Variants in R3HDM1 observed in about 807,000 individuals in gnomAD.
The protein encoded by R3HDM1 is R3H domain-containing protein 1.
Under a neutral mutation model 141.1 loss-of-function variants are expected in R3HDM1, and 46 were observed. The ratio of observed to expected loss-of-function variants is 0.33; its 90% CI spans 0.26 to 0.42. R3HDM1 has a LOEUF of 0.42. Ranked by LOEUF, R3HDM1 falls within the 10% of genes least tolerant of loss-of-function variation. The probability of loss-of-function intolerance (pLI) is 1.00; values close to 1 mark genes in which losing one functional copy is unlikely to be tolerated. For synonymous variants in R3HDM1, 435 were observed against 472.9 expected (o/e 0.92, Z 1.04); for missense variants, 1,184 against 1,368.3 (o/e 0.87, Z 2.12).
chr2:135,637,701 T>A (rs1460638845), intron 11 of R3HDM1, among the ~76,000 whole-genome samples: 3 of 152,040 alleles, frequency 2.0e-5, no homozygotes, highest in African/African-American at 7.2e-5. Context: ...TGAGGAAAGT[T>A]TAGGTTGGAA....
intron 21 of R3HDM1, among the ~76,000 whole-genome samples, chr2:135,703,420 A>G (rs1272086981): frequency 2.6e-5 from 4 of 152,182 alleles, no homozygotes; most frequent in Non-Finnish European, 1.5e-5. Flanking sequence ...GAATACAATT[A>G]TGATATTCTG....
chr2:135,673,006 C>T (rs1309781543), intron 19 of R3HDM1, among the ~76,000 whole-genome samples: 3 of 152,148 alleles, frequency 2.0e-5, no homozygotes, highest in African/African-American at 2.4e-5. Flanking sequence ...ACTGGGGAGG[C>T]TGAGGCAAGA....
intron 21 of R3HDM1, among the ~76,000 whole-genome samples, chr2:135,685,076 T>C (rs1315104996): frequency 6.6e-6 from 1 of 152,198 alleles, no homozygotes; most frequent in Non-Finnish European, 1.5e-5. Flanking sequence ...ATTTTTTTCA[T>C]AATAATGTAT....
At chr2:135,668,716 C>G (rs1340644159) in intron 19 of R3HDM1, among the ~76,000 whole-genome samples, 4 of 152,202 alleles carry the variant, frequency 2.6e-5, no homozygotes, top group African/African-American at 9.6e-5. Context: ...AGCAGCTCTC[C>G]TTGCACAAAA....
intron 7 of R3HDM1, chr2:135,622,989 T>C: frequency 1.0e-6 from 1 of 982,090 alleles, no homozygotes; most frequent in African/African-American, 1.7e-5. Context: ...AGGCTCTTGA[T>C]TGAGTTAGAC....
At chr2:135,609,190 C>T (rs1487168878) in intron 3 of R3HDM1, among the ~76,000 whole-genome samples, 2 of 152,188 alleles carry the variant, frequency 1.3e-5, no homozygotes, top group East Asian at 3.9e-4. Flanking sequence ...GCTCTTTGAC[C>T]ATTTAATTTA....
chr2:135,547,589 A>G (rs1320392631), intron 1 of R3HDM1, among the ~76,000 whole-genome samples: 1 of 151,308 alleles, frequency 6.6e-6, no homozygotes, highest in Non-Finnish European at 1.5e-5. Context: ...TCCCGCTCAC[A>G]GGTCTCATTC....
In R3HDM1 at chr2:135,573,677, C is replaced by T. The variant is rs531552896; in HGVS notation, c.-249-28823C>T. ...AAGGTACATAAGAAGAGGAGAAGCA[C>T]CCTTTGGCAGTTGAGTGGTGAAAAG... On this transcript the variant is annotated intron_variant, in intron 1 of 26. Coordinates refer to ENST00000683871, the MANE Select transcript of R3HDM1 (RefSeq NM_001378107.1). 2.0e-5 allele frequency among the ~76,000 whole-genome samples: 3 copies of T among 152,036 alleles called. No homozygotes were observed. In the South Asian group the frequency reaches 6.2e-4, roughly 32 times the overall value.
intron 18 of R3HDM1, among the ~76,000 whole-genome samples, chr2:135,659,816 CA>C (rs1323548304): frequency 1.1e-4 from 17 of 152,118 alleles, no homozygotes. Flanking sequence ...TTATCATTAC[CA>C]AGTCTTATTT....
chr2:135,704,185 G>C (rs1486894166), intron 21 of R3HDM1, among the ~76,000 whole-genome samples: 2 of 152,110 alleles, frequency 1.3e-5, no homozygotes, highest in African/African-American at 4.8e-5. Flanking sequence ...TCACCATGCT[G>C]ACCAGGCTGG....
intron 21 of R3HDM1, among the ~76,000 whole-genome samples, chr2:135,698,115 A>T (rs570243839): frequency 4.3e-4 from 64 of 149,284 alleles, no homozygotes; most frequent in South Asian, 1.9e-3. Flanking sequence ...TTTTGATGTT[A>T]GAGGTGCATG....
chr2:135,690,787 A>G (rs1194337835), intron 21 of R3HDM1, among the ~76,000 whole-genome samples: 1 of 151,946 alleles, frequency 6.6e-6, no homozygotes, highest in African/African-American at 2.4e-5. Context: ...AAAATTTATT[A>G]GTAAATTGTT....
chr2:135,698,687 T>A (rs948939591), intron 21 of R3HDM1, among the ~76,000 whole-genome samples: 2 of 152,104 alleles, frequency 1.3e-5, no homozygotes, highest in African/African-American at 4.8e-5. Flanking sequence ...GGAAGCATAG[T>A]GGCTTCTAGG....
At chr2:135,618,037 C>T (rs2061197152) in intron 5 of R3HDM1, among the ~76,000 whole-genome samples, 1 of 152,162 alleles carries the variant, frequency 6.6e-6, no homozygotes, top group Admixed American at 6.5e-5. Flanking sequence ...AAAAGCACTA[C>T]ATTTTATTGC....
intron 1 of R3HDM1, among the ~76,000 whole-genome samples, chr2:135,585,113 C>T (rs779308707): frequency 7.2e-5 from 11 of 152,088 alleles, no homozygotes; most frequent in Admixed American, 1.3e-4. Context: ...GGTAAATCAG[C>T]GGGAAGCTTC....
intron 6 of R3HDM1, chr2:135,622,411 G>GAGGTTAATTTTTTTTTA: frequency 1.0e-6 from 1 of 984,328 alleles, no homozygotes; most frequent in Non-Finnish European, 1.2e-6. Flanking sequence ...ACACATGTGA[G>GAGGTTAATTTTTTTTTA]AGGTTAATTT....
At chr2:135,588,618 G>T (rs568667201) in intron 1 of R3HDM1, among the ~76,000 whole-genome samples, 1 of 152,088 alleles carries the variant, frequency 6.6e-6, no homozygotes, top group South Asian at 2.1e-4. Context: ...TATGCTTGAG[G>T]TCTTATAAGT....
chr2:135,622,985 T>C, intron 7 of R3HDM1: 5 of 981,820 alleles, frequency 5.1e-6, no homozygotes, highest in Non-Finnish European at 4.8e-6. Flanking sequence ...ATTTAGGCTC[T>C]TGATTGAGTT....
At chr2:135,716,529 T>A (rs1221553146) in intron 24 of R3HDM1, among the ~76,000 whole-genome samples, 1 of 152,198 alleles carries the variant, frequency 6.6e-6, no homozygotes, top group East Asian at 1.9e-4. Context: ...AAGATTTATA[T>A]ACAGAAGAGT....
Sources: gnomAD v4.1 joint callset for allele counts (sites outside exome capture counted in the v4.1 genomes callset) on GRCh38, gnomAD v4.1.1 for gene constraint, MANE v1.5 for transcripts, NCBI Gene and HGNC (gene_info 2026-07-23, HGNC 2026-07-21) for gene names.